The following THSD4 variants were observed in gnomAD, a reference collection of about 807,000 sequenced individuals.
THSD4 encodes thrombospondin type-1 domain-containing protein 4.
Under a neutral mutation model 119.0 loss-of-function variants are expected in THSD4, and 69 were observed. The ratio of observed to expected loss-of-function variants is 0.58; its 90% CI spans 0.48 to 0.71. The LOEUF is 0.71. THSD4 is among the 30% of genes least tolerant of loss of function. THSD4 has a pLI of 0.00. For missense variants in THSD4, 1,393 were observed against 1,391.1 expected (o/e 1.00, Z -0.02); for synonymous variants, 524 against 540.4 (o/e 0.97, Z 0.42).
intron 7 of THSD4, among the ~76,000 whole-genome samples, chr15:71,645,417 A>G (rs1161566468): frequency 6.6e-6 from 1 of 152,146 alleles, no homozygotes; most frequent in East Asian, 1.9e-4. Flanking sequence ...ATGAGAACTT[A>G]CCATCATGAG....
intron 7 of THSD4, among the ~76,000 whole-genome samples, chr15:71,494,556 C>T (rs573173630): frequency 2.6e-5 from 4 of 152,218 alleles, no homozygotes; most frequent in African/African-American, 2.4e-5. Context: ...CCACCCCCAC[C>T]GCCACCACAC....
At chr15:71,747,153 A>T (rs1485497960) in intron 13 of THSD4, 111 bp downstream of exon 13, 3 of 1,281,344 alleles carry the variant, frequency 2.3e-6, no homozygotes, top group East Asian at 2.5e-5. Context: ...ACAGGAGGGA[A>T]CCCGTCCCGT....
chr15:71,475,595 C>A (rs997586852), intron 7 of THSD4, among the ~76,000 whole-genome samples: 1 of 152,074 alleles, frequency 6.6e-6, no homozygotes, highest in African/African-American at 2.4e-5. Flanking sequence ...GTCCAAGGAC[C>A]ACACTCTAAG....
chr15:71,191,991 C>T (rs1771303836), intron 3 of THSD4, among the ~76,000 whole-genome samples: 1 of 152,042 alleles, frequency 6.6e-6, no homozygotes, highest in Admixed American at 6.5e-5. Context: ...CAACCTCCGC[C>T]TCCCAGGTTG....
At chr15:71,340,603 CTTTT>C (rs780712768) in intron 6 of THSD4, among the ~76,000 whole-genome samples, 3 of 115,222 alleles carry the variant, frequency 2.6e-5, no homozygotes, top group Admixed American at 9.0e-5. Context: ...CATCCAGAGA[CTTTT>C]TTTTTTTTTT....
intron 6 of THSD4, among the ~76,000 whole-genome samples, chr15:71,337,277 C>A (rs145301449): frequency 6.6e-6 from 1 of 152,194 alleles, no homozygotes; most frequent in East Asian, 1.9e-4. Flanking sequence ...CCTGGACATA[C>A]AGCATGTGGT....
Position 71,532,281 on chromosome 15 carries a change from AGAGTGT to A in THSD4, c.1152+120460_1152+120465del, listed in dbSNP as rs1466394059. Reference sequence around the variant, plus strand: ...CAAAGGGTGAGAGAGAGAGAGAGAGAGAGTGTGTGTGTGTGTGTGTGTGTGTGTGTG... The same window carrying A: ...CAAAGGGTGAGAGAGAGAGAGAGAGAGTGTGTGTGTGTGTGTGTGTGTGTG... On this transcript the variant is annotated intron_variant, in intron 7 of 17. Transcript: ENST00000261862. 3.9e-3 allele frequency among the ~76,000 whole-genome samples: 443 copies of A among 113,128 alleles called. 4 individuals carry two copies. The highest frequency in any genetic ancestry group is 6.4e-3 in the Non-Finnish European group (344 of 53,334). 74.2% of individuals were successfully genotyped at this position (113,128 alleles called of 152,430 possible).
intron 6 of THSD4, among the ~76,000 whole-genome samples, chr15:71,295,683 TTAA>T (rs1396864986): frequency 6.7e-6 from 1 of 148,208 alleles, no homozygotes; most frequent in East Asian, 1.9e-4. Flanking sequence ...GACATTTTCT[TTAA>T]AAAAAAAAAG....
chr15:71,447,749 T>C (rs2047206437), intron 7 of THSD4, among the ~76,000 whole-genome samples: 1 of 152,202 alleles, frequency 6.6e-6, no homozygotes, highest in African/African-American at 2.4e-5. Context: ...AAAGAGATAC[T>C]GTTTTTCTCA....
intron 9 of THSD4, chr15:71,728,963 A>G: frequency 1.9e-6 from 1 of 534,322 alleles, no homozygotes; most frequent in South Asian, 2.4e-5. Context: ...GAGTTTATTG[A>G]CCCAGTAAAA....
At chr15:71,337,728 AG>A (rs1555403696) in intron 6 of THSD4, among the ~76,000 whole-genome samples, 1 of 146,438 alleles carries the variant, frequency 6.8e-6, no homozygotes, top group Non-Finnish European at 1.5e-5. Context: ...ACACTTGAGG[AG>A]GGCCTTTGCA....
chr15:71,363,081 G>T (rs1372215), intron 6 of THSD4, among the ~76,000 whole-genome samples: 9 of 152,036 alleles, frequency 5.9e-5, no homozygotes, highest in African/African-American at 1.9e-4. Flanking sequence ...TGTGGCCTGC[G>T]GGCGGCAGGT....
intron 6 of THSD4, among the ~76,000 whole-genome samples, chr15:71,282,573 G>A (rs990752524): frequency 4.6e-5 from 7 of 152,000 alleles, no homozygotes; most frequent in South Asian, 2.1e-4. Flanking sequence ...TGACTTTGAC[G>A]GTCCACATAG....
chr15:71,718,986 T>C (rs1333048396), intron 8 of THSD4, among the ~76,000 whole-genome samples: 3 of 152,224 alleles, frequency 2.0e-5, no homozygotes, highest in South Asian at 2.1e-4. Context: ...TATTTTCTTA[T>C]TATACCATAG....
At chr15:71,304,454 A>T (rs926501196) in intron 6 of THSD4, among the ~76,000 whole-genome samples, 2 of 152,024 alleles carry the variant, frequency 1.3e-5, no homozygotes, top group African/African-American at 4.8e-5. Context: ...CTCTATTCCA[A>T]TGTAGTCATA....
chr15:71,439,989 A>G (rs980746754), intron 7 of THSD4, among the ~76,000 whole-genome samples: 3 of 152,310 alleles, frequency 2.0e-5, no homozygotes, highest in East Asian at 1.9e-4. Flanking sequence ...TGTTCTGCAC[A>G]TGTACCCCAG....
intron 8 of THSD4, among the ~76,000 whole-genome samples, chr15:71,723,032 A>G (rs1225979702): frequency 6.6e-6 from 1 of 151,010 alleles, no homozygotes; most frequent in Non-Finnish European, 1.5e-5. Flanking sequence ...CAGTGTTAGA[A>G]CCATCTTAAG....
intron 8 of THSD4, among the ~76,000 whole-genome samples, chr15:71,700,427 A>T (rs1374113785): frequency 2.6e-5 from 4 of 152,188 alleles, no homozygotes; most frequent in Non-Finnish European, 5.9e-5. Flanking sequence ...TAAAGGGCAT[A>T]AAATTTAAAT....
chr15:71,566,611 A>G (rs565571799), intron 7 of THSD4, among the ~76,000 whole-genome samples: 1 of 152,134 alleles, frequency 6.6e-6, no homozygotes, highest in South Asian at 2.1e-4. Flanking sequence ...TGTTTTCCCC[A>G]TAATTCCCCA....
Sources: gnomAD v4.1 joint callset for allele counts (sites outside exome capture counted in the v4.1 genomes callset) on GRCh38, gnomAD v4.1.1 for gene constraint, MANE v1.5 for transcripts, NCBI Gene and HGNC (gene_info 2026-07-23, HGNC 2026-07-21) for gene names.